NBN: variants seen among roughly 807,000 people sequenced by gnomAD.
The protein encoded by NBN is Nijmegen breakage syndrome 1 (nibrin).
In NBN, 88 loss-of-function variants were observed where a neutral mutation model predicts 90.8. That is an observed-to-expected ratio of 0.97 (90% CI 0.82 to 1.16). The LOEUF (loss-of-function observed/expected upper bound fraction) is 1.16. Ranked by LOEUF, NBN falls within the 50% of genes most tolerant of loss-of-function variation. The pLI is 0.00. For missense variants in NBN, 894 were observed against 869.6 expected (o/e 1.03, Z -0.35); for synonymous variants, 328 against 295.1 (o/e 1.11, Z -1.14).
chr8:89,949,691 T>C (rs1046792925), intron 11 of NBN, among the ~76,000 whole-genome samples: 2 of 152,136 alleles, frequency 1.3e-5, no homozygotes. Flanking sequence ...AACAGAGAAA[T>C]GACAGTTCTA....
chr8:89,961,921 G>A (rs947049274), intron 8 of NBN, among the ~76,000 whole-genome samples: 1 of 152,084 alleles, frequency 6.6e-6, no homozygotes, highest in Non-Finnish European at 1.5e-5. Flanking sequence ...GTTCAAACAG[G>A]GTACTGGCTG....
chr8:89,937,406 G>T, intron 14 of NBN: 1 of 338,256 alleles, frequency 3.0e-6, no homozygotes, highest in South Asian at 2.7e-5. Flanking sequence ...TTGGGGGTCA[G>T]ACCACTGATG....
chr8:89,947,171 T>C (rs1473950537), intron 12 of NBN, among the ~76,000 whole-genome samples: 1 of 152,302 alleles, frequency 6.6e-6, no homozygotes, highest in Non-Finnish European at 1.5e-5. Context: ...ATTACTCTTA[T>C]CTGATATAAA....
At chr8:89,937,847 C>G (rs1043257149) in intron 14 of NBN, among the ~76,000 whole-genome samples, 1 of 152,146 alleles carries the variant, frequency 6.6e-6, no homozygotes, top group Non-Finnish European at 1.5e-5. Flanking sequence ...AAAACCAAAA[C>G]AAAACCCCAG....
In NBN at chr8:89,971,215, T is replaced by C. The variant is rs876658674; in HGVS notation, c.660A>G (p.Gln220=). The C allele has an allele frequency of 1.2e-6, 2 of 1,612,448 alleles. No individual in the cohort carries two copies. The highest frequency in any genetic ancestry group is 2.7e-5 in the African/African-American group (2 of 74,894). Residue 220 remains glutamine (Q), a synonymous_variant, in exon 6 of 16, where the codon CAA becomes CAG. Coordinates refer to ENST00000265433, the MANE Select transcript of NBN (RefSeq NM_002485.5). ...VDLSGRQERK[Q]IFKGKTFIFL... ...ATATAAATGTTTTCCCTTTGAAGAT[T>C]TGTTTTCTTTCCTGCCGTCCTGACA...
At chr8:89,957,416 A>G (rs1413650436) in intron 9 of NBN, among the ~76,000 whole-genome samples, 1 of 152,264 alleles carries the variant, frequency 6.6e-6, no homozygotes, top group Non-Finnish European at 1.5e-5. Context: ...AAATGTTTTA[A>G]GCTAGGTATT....
intron 2 of NBN, among the ~76,000 whole-genome samples, chr8:89,982,238 C>G (rs1208639755): frequency 6.6e-6 from 1 of 152,120 alleles, no homozygotes; most frequent in Non-Finnish European, 1.5e-5. Context: ...TAAAACAAAT[C>G]AATTCCCATT....
chr8:89,956,390 A>G (rs1404819553), intron 9 of NBN, among the ~76,000 whole-genome samples: 1 of 152,120 alleles, frequency 6.6e-6, no homozygotes, highest in Non-Finnish European at 1.5e-5. Context: ...AAAATAAAAA[A>G]CATACGGTTG....
chr8:89,979,032 C>T (rs1177837529), intron 4 of NBN, among the ~76,000 whole-genome samples: 1 of 152,190 alleles, frequency 6.6e-6, no homozygotes, highest in Non-Finnish European at 1.5e-5. Context: ...GGCTGGACTG[C>T]AGTGGCGTGA....
intron 7 of NBN, among the ~76,000 whole-genome samples, chr8:89,967,387 G>T (rs572851991): frequency 6.6e-6 from 1 of 152,224 alleles, no homozygotes; most frequent in East Asian, 1.9e-4. Context: ...CTGGGCTAGG[G>T]GTAACCACGT....
chr8:89,961,369 A>G (rs2129763838), intron 8 of NBN, among the ~76,000 whole-genome samples: 1 of 152,228 alleles, frequency 6.6e-6, no homozygotes, highest in East Asian at 1.9e-4. Flanking sequence ...GTAAGAGCCT[A>G]CAATCTACTC....
intron 5 of NBN, among the ~76,000 whole-genome samples, chr8:89,971,714 C>A (rs946419464): frequency 1.3e-5 from 2 of 152,134 alleles, no homozygotes; most frequent in Non-Finnish European, 2.9e-5. Context: ...CTAGCACAAT[C>A]TATTATGAGT....
At chr8:89,965,463 A>G (rs1811208849) in intron 7 of NBN, among the ~76,000 whole-genome samples, 1 of 152,118 alleles carries the variant, frequency 6.6e-6, no homozygotes, top group South Asian at 2.1e-4. Context: ...AACAACTACA[A>G]AATGTCTTCA....
chr8:89,983,958 C>A (rs1023948869), intron 1 of NBN, among the ~76,000 whole-genome samples: 1 of 152,178 alleles, frequency 6.6e-6, no homozygotes, highest in Non-Finnish European at 1.5e-5. Flanking sequence ...TCACACCCAC[C>A]ACGGGCAACC....
At chr8:89,963,878 A>G (rs934979274) in intron 8 of NBN, among the ~76,000 whole-genome samples, 1 of 152,162 alleles carries the variant, frequency 6.6e-6, no homozygotes, top group African/African-American at 2.4e-5. Context: ...CCACAATAGC[A>G]TTCTATTCAC....
intron 8 of NBN, among the ~76,000 whole-genome samples, chr8:89,959,163 C>T (rs1171994541): frequency 1.3e-5 from 2 of 152,074 alleles, no homozygotes; most frequent in East Asian, 3.9e-4. Flanking sequence ...AGTCAGTGGG[C>T]CAAAAAATTA....
intron 13 of NBN, 59 bp downstream of exon 13, chr8:89,946,081 C>T (rs1810169639): frequency 4.7e-6 from 6 of 1,275,410 alleles, no homozygotes; most frequent in Non-Finnish European, 5.7e-6. Flanking sequence ...TTTAGCATCA[C>T]TGGTATCTCT....
At chr8:89,984,353 G>T (rs1812226734) in intron 1 of NBN, 172 bp downstream of exon 1, 6 of 686,480 alleles carry the variant, frequency 8.7e-6, no homozygotes, top group Non-Finnish European at 1.5e-5. Context: ...CACAGCCGCC[G>T]TGCTGCCCGG....
At chr8:89,950,963 T>C (rs1257671501) in intron 11 of NBN, among the ~76,000 whole-genome samples, 4 of 151,960 alleles carry the variant, frequency 2.6e-5, no homozygotes, top group Non-Finnish European at 5.9e-5. Context: ...ACCACAACCA[T>C]TTCCAGATAG....
Sources: allele counts gnomAD v4.1 joint callset (sites outside exome capture counted in the v4.1 genomes callset), GRCh38; gene constraint gnomAD v4.1.1; transcripts MANE v1.5; gene names NCBI Gene and HGNC (gene_info 2026-07-23, HGNC 2026-07-21).